Variants in FAT3 observed in about 807,000 individuals in gnomAD.
The protein encoded by FAT3 is FAT atypical cadherin 3.
A neutral mutation model predicts 310.2 loss-of-function variants in FAT3; 95 were observed. The ratio of observed to expected loss-of-function variants is 0.31; its 90% CI spans 0.26 to 0.36. FAT3 has a LOEUF of 0.36. FAT3 is among the 10% of genes least tolerant of loss of function. FAT3 has a pLI of 1.00. For synonymous variants in FAT3, 2,314 were observed against 2,192.9 expected, an observed-to-expected ratio of 1.06 and a Z score of -1.54; for missense variants, 5,408 against 5,715.6, an observed-to-expected ratio of 0.95 and a Z score of 1.74.
At chr11:92,561,667 C>G (rs555497) in intron 3 of FAT3, among the ~76,000 whole-genome samples, 23,029 of 151,966 alleles carry the variant, frequency 0.15, 1,940 homozygotes, top group East Asian at 0.29. Flanking sequence ...GCTCTGTCCC[C>G]CAGGCTGGAG....
chr11:92,641,795 A>G lies in FAT3; in HGVS notation c.3608-55589A>G, dbSNP rs570461189. On this transcript the variant is annotated intron_variant, in intron 3 of 27. Transcript: ENST00000525166. Reference sequence around the variant, plus strand: ...TGGGGGTACCCCCTGCAAACATGCTATAATCATTTTGTCACTTTATCATTT... The same window carrying G: ...TGGGGGTACCCCCTGCAAACATGCTGTAATCATTTTGTCACTTTATCATTT... Among the ~76,000 whole-genome samples the G allele has an allele frequency of 7.2e-5, 11 of 152,362 alleles. No individual in the cohort carries two copies. In the South Asian group the frequency reaches 2.1e-3, roughly 29 times the overall value.
At chr11:92,255,659 G>A (rs975828568) in intron 1 of FAT3, among the ~76,000 whole-genome samples, 5 of 152,068 alleles carry the variant, frequency 3.3e-5, no homozygotes, top group African/African-American at 1.2e-4. Flanking sequence ...TGTGATGTTG[G>A]AATTTTCCTA....
At chr11:92,748,339 T>C (rs1173195930) in intron 4 of FAT3, among the ~76,000 whole-genome samples, 1 of 152,152 alleles carries the variant, frequency 6.6e-6, no homozygotes, top group East Asian at 1.9e-4. Flanking sequence ...TACCTCCACC[T>C]GGCCCCACCC....
At chr11:92,814,795 G>T (rs1329636508) in intron 13 of FAT3, among the ~76,000 whole-genome samples, 3 of 152,144 alleles carry the variant, frequency 2.0e-5, no homozygotes, top group Non-Finnish European at 4.4e-5. Context: ...GTTGATAGGT[G>T]CAGCAAACCA....
chr11:92,647,298 A>G (rs1942203579), intron 3 of FAT3, among the ~76,000 whole-genome samples: 2 of 152,188 alleles, frequency 1.3e-5, no homozygotes, highest in East Asian at 1.9e-4. Context: ...AAAAGAACAT[A>G]TAGTTTAGGT....
chr11:92,655,874 G>A (rs1942563973), intron 3 of FAT3, among the ~76,000 whole-genome samples: 6 of 152,168 alleles, frequency 3.9e-5, no homozygotes, highest in Admixed American at 3.3e-4. Context: ...GATTAGCTTT[G>A]TAACCTTGCA....
intron 3 of FAT3, among the ~76,000 whole-genome samples, chr11:92,554,942 C>T (rs1007301937): frequency 1.3e-5 from 2 of 152,178 alleles, no homozygotes; most frequent in African/African-American, 4.8e-5. Context: ...GGGATTAAAG[C>T]GCCAGCAGCA....
chr11:92,609,538 C>T (rs1940465930), intron 3 of FAT3, among the ~76,000 whole-genome samples: 2 of 152,130 alleles, frequency 1.3e-5, no homozygotes, highest in South Asian at 4.1e-4. Context: ...ATACCAAAAG[C>T]TCATTGTAGC....
chr11:92,605,402 C>G (rs1246089278), intron 3 of FAT3, among the ~76,000 whole-genome samples: 1 of 152,130 alleles, frequency 6.6e-6, no homozygotes, highest in African/African-American at 2.4e-5. Flanking sequence ...CCACAGGCAC[C>G]CACTCTAACT....
At chr11:92,653,491 G>T (rs1248736578) in intron 3 of FAT3, among the ~76,000 whole-genome samples, 1 of 152,098 alleles carries the variant, frequency 6.6e-6, no homozygotes, top group Non-Finnish European at 1.5e-5. Context: ...CTACCAAGAT[G>T]CTCTGTATAC....
intron 3 of FAT3, among the ~76,000 whole-genome samples, chr11:92,630,865 T>C (rs903477818): frequency 3.3e-5 from 5 of 152,194 alleles, no homozygotes; most frequent in Admixed American, 1.3e-4. Context: ...TGCCATATTC[T>C]CAGCTAGTAG....
At position 92,352,081 on chromosome 11, in the gene FAT3, C is replaced by T; in HGVS notation, c.-17-15C>T. 8.0e-7 allele frequency: 1 copy of T among 1,251,966 alleles called. No homozygotes were observed. Among genetic ancestry groups the T allele is most frequent in the Admixed American group, 2.7e-5 (1 of 37,342 alleles). 77.6% of individuals were successfully genotyped at this position (1,251,966 alleles called of 1,614,324 possible). A position where few individuals can be genotyped will look rare whatever the true frequency, so the allele number is the denominator to read the frequency against. ...TGGTTAATTTATCTTTTCTCTCTCT[C>T]TTTCTTCCCTCCAGGATGGAAGTAT... On this transcript the variant is annotated splice_polypyrimidine_tract_variant and intron_variant, in intron 1 of 27. Coordinates refer to ENST00000525166, the MANE Select transcript of FAT3 (RefSeq NM_001367949.2).
intron 3 of FAT3, among the ~76,000 whole-genome samples, chr11:92,596,944 T>G (rs1939742029): frequency 6.6e-6 from 1 of 152,182 alleles, no homozygotes; most frequent in South Asian, 2.1e-4. Flanking sequence ...TCTTCTTTTC[T>G]TCTCTGTACC....
At chr11:92,375,413 T>A (rs1484344153) in intron 2 of FAT3, among the ~76,000 whole-genome samples, 1 of 152,184 alleles carries the variant, frequency 6.6e-6, no homozygotes, top group Admixed American at 6.5e-5. Flanking sequence ...ATAGCTGAGA[T>A]TACAAGTGTC....
chr11:92,790,159 C>T lies in FAT3; in HGVS notation c.4552C>T (p.Leu1518Phe), dbSNP rs764973256. Residue 1518 changes from leucine to phenylalanine, a missense_variant, in exon 8 of 28, where the codon CTC (leucine) becomes TTC (phenylalanine). Physicochemically the swap from Leu to Phe is conservative, Grantham distance 22 (BLOSUM62 0). Coordinates refer to ENST00000525166, the MANE Select transcript of FAT3 (RefSeq NM_001367949.2). The stretch of plus-strand genomic sequence containing the variant: ...CCGGATTGACCCTAGCACTGGCGTG[C>T]TCTATACTGCCGAGAGGCTGGACCA... ...KFRIDPSTGV[L>F]YTAERLDHEA... The T allele has an allele frequency of 9.3e-6, 15 of 1,613,644 alleles. No homozygotes were observed. The highest frequency in any genetic ancestry group is 1.1e-5 in the South Asian group (1 of 91,090).
chr11:92,752,759 C>T (rs142085733), intron 4 of FAT3, among the ~76,000 whole-genome samples: 43 of 152,216 alleles, frequency 2.8e-4, no homozygotes, highest in African/African-American at 1.0e-3. Flanking sequence ...GCATAGTCAT[C>T]GACTGAAGAA....
Position 92,883,444 on chromosome 11 carries a change from A to G in FAT3, c.12937+51A>G. On this transcript the variant is annotated intron_variant, in intron 24 of 27. Coordinates refer to ENST00000525166, the MANE Select transcript of FAT3 (RefSeq NM_001367949.2). The surrounding 1 kb of genome is among the most constrained non-coding windows in gnomAD (Gnocchi z 4.2). ...CCCTCGGTGCTTACAGGGAACCTGCAGGGGCGCTGTGCGAGGACGCTACGG... is the reference window on the plus strand; with the variant it reads ...CCCTCGGTGCTTACAGGGAACCTGCGGGGGCGCTGTGCGAGGACGCTACGG... 1 of 1,553,774 alleles carries G rather than the reference A, an allele frequency of 6.4e-7. No individual in the cohort carries two copies. The highest frequency in any genetic ancestry group is 8.7e-7 in the Non-Finnish European group (1 of 1,148,340).
At chr11:92,656,184 C>T (rs1032498871) in intron 3 of FAT3, among the ~76,000 whole-genome samples, 2 of 152,114 alleles carry the variant, frequency 1.3e-5, no homozygotes, top group East Asian at 1.9e-4. Flanking sequence ...ACTTTGATTA[C>T]CAAGTCATCT....
chr11:92,418,426 C>CCT (rs1555040288), intron 2 of FAT3, among the ~76,000 whole-genome samples: 11 of 42,028 alleles, frequency 2.6e-4, no homozygotes, highest in Non-Finnish European at 4.4e-4. Flanking sequence ...AACACCCCCC[C>CCT]CACCCCCCCA....
Sources: allele counts gnomAD v4.1 joint callset (sites outside exome capture counted in the v4.1 genomes callset), GRCh38; gene constraint gnomAD v4.1.1; non-coding constraint Gnocchi (gnomAD v3.1); transcripts MANE v1.5; gene names NCBI Gene and HGNC (gene_info 2026-07-23, HGNC 2026-07-21).